The following EFCAB5 variants were observed in gnomAD, a reference collection of about 807,000 sequenced individuals.
The protein encoded by EFCAB5 is EF-hand calcium-binding domain-containing protein 5.
In EFCAB5, 131 loss-of-function variants were observed where a neutral mutation model predicts 167.9. The ratio of observed to expected loss-of-function variants is 0.78; its 90% CI spans 0.68 to 0.90. The LOEUF is 0.90. EFCAB5 is among the 40% of genes least tolerant of loss of function. The pLI, the probability that EFCAB5 is intolerant of heterozygous loss-of-function variation, is 0.00. For synonymous variants in EFCAB5, 574 were observed against 602.8 expected, an observed-to-expected ratio of 0.95 and a Z score of 0.70; for missense variants, 1,663 against 1,745.2, an observed-to-expected ratio of 0.95 and a Z score of 0.84.
At chr17:30,021,894 C>T (rs544324652) in intron 7 of EFCAB5, among the ~76,000 whole-genome samples, 8 of 152,114 alleles carry the variant, frequency 5.3e-5, no homozygotes, top group South Asian at 2.1e-4. Context: ...ACACAGGTGC[C>T]GCCTAGTGGA....
intron 3 of EFCAB5, 62 bp from the exon 4 acceptor site, chr17:29,968,729 A>C: frequency 1.5e-6 from 2 of 1,319,590 alleles, no homozygotes; most frequent in Non-Finnish European, 2.0e-6. Flanking sequence ...TATTATTCTA[A>C]AGTCACATAG....
At chr17:30,073,438 A>G (rs1343844538) in intron 14 of EFCAB5, among the ~76,000 whole-genome samples, 1 of 152,034 alleles carries the variant, frequency 6.6e-6, no homozygotes, top group East Asian at 1.9e-4. Flanking sequence ...CACAACATAA[A>G]TTCTATCATT....
chr17:30,107,272 G>C (rs1389033127), intron 22 of EFCAB5, among the ~76,000 whole-genome samples: 2 of 152,280 alleles, frequency 1.3e-5, no homozygotes, highest in East Asian at 3.9e-4. Flanking sequence ...AAACATGCAA[G>C]TATAGAGAAT....
chr17:29,970,248 G>T (rs1297998561), intron 4 of EFCAB5, among the ~76,000 whole-genome samples: 2 of 151,862 alleles, frequency 1.3e-5, no homozygotes, highest in African/African-American at 4.8e-5. Flanking sequence ...TATATATTTT[G>T]GGGTGTATTT....
At chr17:29,975,402 C>A (rs1344147711) in intron 4 of EFCAB5, among the ~76,000 whole-genome samples, 2 of 152,052 alleles carry the variant, frequency 1.3e-5, no homozygotes, top group Non-Finnish European at 2.9e-5. Context: ...ATTACAGGTG[C>A]GTACCACCAT....
At position 30,080,748 on chromosome 17, in the gene EFCAB5, C is replaced by T; in HGVS notation, c.3198-5C>T. On this transcript the variant is annotated splice_region_variant and splice_polypyrimidine_tract_variant and intron_variant, in intron 16 of 22. Coordinates refer to ENST00000394835, the MANE Select transcript of EFCAB5 (RefSeq NM_198529.4). ...TTCTTCCATCCTCATACTCTTTTTC[C>T]TCAGCTTTACAGTAGTGGATGAAGG... is the stretch of plus-strand genomic sequence containing the variant. The T allele has an allele frequency of 6.3e-7, 1 of 1,585,714 alleles. No homozygotes were observed. The highest frequency in any genetic ancestry group is 1.1e-5 in the South Asian group (1 of 87,670).
At chr17:30,034,148 G>T in intron 7 of EFCAB5, 82 bp from the exon 8 acceptor site, 1 of 1,462,454 alleles carries the variant, frequency 6.8e-7, no homozygotes. Flanking sequence ...TGTATTTCAT[G>T]CACATTGGTT....
At chr17:30,027,293 C>CTTTTTTTTT (rs906468665) in intron 7 of EFCAB5, among the ~76,000 whole-genome samples, 1 of 67,366 alleles carries the variant, frequency 1.5e-5, no homozygotes, top group African/African-American at 5.7e-5. Flanking sequence ...CCACACCAGT[C>CTTTTTTTTT]TTTTTTTTTT....
Position 29,930,056 on chromosome 17 carries a change from G to C in EFCAB5, c.-127+727G>C, listed in dbSNP as rs551093286. On this transcript the variant is annotated intron_variant, in intron 1 of 3. Transcript: ENST00000448319. ...CATTCTTGTCCTGAGTGTGGGGGAC[G>C]GGAGGGTGACGGAGCCGGGATGGGG... is the stretch of plus-strand genomic sequence containing the variant. The C allele has an allele frequency of 2.4e-4, 364 of 1,501,266 alleles. 7 individuals are homozygous for C. In the South Asian group the frequency reaches 4.3e-3, roughly 18 times the overall value. The allele number at this position is 1,501,266 out of a possible 1,614,324, so 93.0% of individuals were successfully genotyped here.
At chr17:30,064,850 T>G (rs1196401042) in intron 14 of EFCAB5, among the ~76,000 whole-genome samples, 2 of 152,126 alleles carry the variant, frequency 1.3e-5, no homozygotes, top group Non-Finnish European at 2.9e-5. Context: ...GAGTCCCCAT[T>G]AGAATAGCAA....
At chr17:29,973,592 C>T (rs1170266805) in intron 4 of EFCAB5, among the ~76,000 whole-genome samples, 2 of 149,298 alleles carry the variant, frequency 1.3e-5, no homozygotes. Flanking sequence ...AATTCTCTGC[C>T]TCAGCCTCCT....
At chr17:29,997,815 A>G (rs1166605562) in intron 6 of EFCAB5, among the ~76,000 whole-genome samples, 1 of 152,082 alleles carries the variant, frequency 6.6e-6, no homozygotes, top group African/African-American at 2.4e-5. Flanking sequence ...GGCAATAAAA[A>G]TTCACCCAAA....
chr17:29,942,201 C>A, intron 1 of EFCAB5, 39 bp from the exon 2 acceptor site: 1 of 1,533,700 alleles, frequency 6.5e-7, no homozygotes, highest in Non-Finnish European at 8.8e-7. Context: ...ATCCACAGCT[C>A]TTTTTGGATG....
chr17:30,000,649 A>T (rs191286065), intron 7 of EFCAB5, among the ~76,000 whole-genome samples: 162 of 152,166 alleles, frequency 1.1e-3, no homozygotes, highest in African/African-American at 3.6e-3. Flanking sequence ...CTTTTCATAC[A>T]CCTTTGCACG....
chr17:30,060,338 A>T (rs540036229), intron 14 of EFCAB5, among the ~76,000 whole-genome samples: 1 of 152,072 alleles, frequency 6.6e-6, no homozygotes, highest in Non-Finnish European at 1.5e-5. Context: ...TTCTTCTTCA[A>T]TTTACTAACT....
chr17:30,053,130 T>A, intron 9 of EFCAB5, 125 bp from the exon 10 acceptor site: 2 of 1,093,732 alleles, frequency 1.8e-6, no homozygotes, highest in Non-Finnish European at 2.6e-6. Flanking sequence ...AACTGATATT[T>A]ATTTAGAGCA....
At chr17:30,084,703 C>T (rs78778921) in intron 18 of EFCAB5, among the ~76,000 whole-genome samples, 29 of 152,154 alleles carry the variant, frequency 1.9e-4, no homozygotes, top group Non-Finnish European at 3.8e-4. Flanking sequence ...TCCAGATTCA[C>T]ATTTCTCTCT....
intron 7 of EFCAB5, among the ~76,000 whole-genome samples, chr17:30,019,201 A>T (rs1238766706): frequency 6.6e-6 from 1 of 152,106 alleles, no homozygotes; most frequent in Non-Finnish European, 1.5e-5. Context: ...CCATTTATTC[A>T]TTTATTTATT....
At chr17:30,039,034 C>T (rs2069698608) in intron 8 of EFCAB5, among the ~76,000 whole-genome samples, 1 of 152,092 alleles carries the variant, frequency 6.6e-6, no homozygotes, top group Non-Finnish European at 1.5e-5. Context: ...GTAAAGGATC[C>T]TCACATACTG....
Sources: allele counts gnomAD v4.1 joint callset (sites outside exome capture counted in the v4.1 genomes callset), GRCh38; gene constraint gnomAD v4.1.1; transcripts MANE v1.5; gene names NCBI Gene and HGNC (gene_info 2026-07-23, HGNC 2026-07-21).